Variants in KIFC3 observed in about 807,000 individuals in gnomAD.
KIFC3 encodes the protein kinesin family member C3, also known as kinesin-like protein KIFC3.
In KIFC3, 60 loss-of-function variants were observed where a neutral mutation model predicts 101.8. That is an observed-to-expected ratio of 0.59 (90% CI 0.48 to 0.73). The LOEUF is 0.73. Among genes scored for constraint, KIFC3 ranks in the 30% least tolerant of loss-of-function variants. KIFC3 has a pLI of 0.00. For synonymous variants in KIFC3, 476 were observed against 482.7 expected, an observed-to-expected ratio of 0.99 and a Z score of 0.18; for missense variants, 966 against 1,137.1, an observed-to-expected ratio of 0.85 and a Z score of 2.16.
intron 18 of KIFC3, 83 bp downstream of exon 18, chr16:57,759,645 A>G: frequency 9.6e-7 from 1 of 1,040,830 alleles, no homozygotes; most frequent in Non-Finnish European, 1.4e-6. Flanking sequence ...AGGAAAGAAA[A>G]GAGAAAGCCC....
chr16:57,769,621 C>T lies in KIFC3; in HGVS notation c.1192G>A (p.Glu398Lys). The T allele has an allele frequency of 1.9e-6, 3 of 1,611,104 alleles. No homozygotes were observed. The South Asian group carries it at 3.3e-5, about 18-fold the overall frequency. ...TCGGCCTTGACACTCCTGAGGGCCT[C>T]CTGCAGCAGCAGTGGGAAGCCGCGC... Reference protein sequence around the residue: ...QVRGFPLLLQEALRSVKAEIG... With the variant: ...QVRGFPLLLQKALRSVKAEIG... Residue 398 changes from glutamate to lysine, a missense_variant, in exon 9 of 20, where the codon GAG becomes AAG. By Grantham distance (56) the Glu-to-Lys change is moderately conservative. This residue lies in a region of KIFC3 where 689 missense variants were observed against 884.6 expected (regional missense o/e 0.78). Coordinates refer to ENST00000445690, the MANE Select transcript of KIFC3 (RefSeq NM_001130100.2). This position sits in a 1 kb window ranked among gnomAD's most constrained non-coding sequence, Gnocchi z 4.3.
chr16:57,849,466 C>T (rs1210301495), intron 1 of KIFC3, among the ~76,000 whole-genome samples: 1 of 152,104 alleles, frequency 6.6e-6, no homozygotes, highest in Non-Finnish European at 1.5e-5. Context: ...ATTAAGTGCT[C>T]TGTGGGTTCA....
In KIFC3 at chr16:57,772,220, C is replaced by T. The variant is rs375896792; in HGVS notation, c.381+3G>A. 6 of 1,613,182 alleles carry T rather than the reference C, an allele frequency of 3.7e-6. No individual in the cohort carries two copies. In the African/African-American group the frequency reaches 5.3e-5, roughly 14 times the overall value. On this transcript the variant is annotated splice_donor_region_variant and intron_variant, in intron 4 of 19. Transcript: ENST00000445690. ...CTACCCCAGGACAGCCTTGTGGCCT[C>T]ACCAGCTCAGATCGCAGTCGGCTCA...
In KIFC3 at chr16:57,847,255, GAAGGAAGGA is replaced by G. The variant is rs1485145599; in HGVS notation, c.108+15465_108+15473del. Among the ~76,000 whole-genome samples, 45 of 102,624 alleles carry G rather than the reference GAAGGAAGGA, an allele frequency of 4.4e-4. No homozygotes were observed. In the South Asian group the frequency reaches 0.015, roughly 35 times the overall value. 67.3% of individuals were successfully genotyped at this position (102,624 alleles called of 152,430 possible). Reference sequence around the variant, plus strand: ...GGAAGGAAGGAAGGAAGGAAGGAAGGAAGGAAGGAAGGAAGGGAAGGGAGGGAGGGAGAG... The same window carrying G: ...GGAAGGAAGGAAGGAAGGAAGGAAGGAGGAAGGGAAGGGAGGGAGGGAGAG... On this transcript the variant is annotated intron_variant, in intron 1 of 2. Transcript: ENST00000563028.
In KIFC3 at chr16:57,850,947, CTCCTTCCTTCCTTCCT is replaced by C. The variant is rs200153757; in HGVS notation, c.108+11766_108+11781del. ...GATTTCAACTTCTTTCCTTCCCTCC[CTCCTTCCTTCCTTCCT>C]TCCTTCCTTCCTTCCTTCCTTCCTT... On this transcript the variant is annotated intron_variant, in intron 1 of 2. Transcript: ENST00000563028. 7.6e-3 allele frequency among the ~76,000 whole-genome samples: 400 copies of C among 52,590 alleles called. 7 individuals are homozygous for C. The South Asian group carries it at 0.1, about 13-fold the overall frequency. The allele number at this position is 52,590 out of a possible 152,430, so 34.5% of individuals were successfully genotyped here. A position where few individuals can be genotyped will look rare whatever the true frequency, so the allele number is the denominator to read the frequency against.
chr16:57,847,193 GGGAAGGAAGGAAGGAAGGAAGGAAGGAA>G (rs1162178513), intron 1 of KIFC3, among the ~76,000 whole-genome samples: 26 of 46,162 alleles, frequency 5.6e-4, no homozygotes, highest in South Asian at 8.6e-4. Flanking sequence ...GAAGGAAGGA[GGGAAGGAAGGAAGGAAGGAAGGAAGGAA>G]GGAAGGAAGG....
At chr16:57,850,967 TTCCTTCCTTCCTTCC>T (rs71155204) in intron 1 of KIFC3, among the ~76,000 whole-genome samples, 57 of 9,540 alleles carry the variant, frequency 6.0e-3, no homozygotes, top group African/African-American at 9.8e-3. Flanking sequence ...CCTTCCTTCC[TTCCTTCCTTCCTTCC>T]TTCCTTCCTT....
intron 1 of KIFC3, among the ~76,000 whole-genome samples, chr16:57,826,452 T>C (rs1555630804): frequency 6.6e-6 from 1 of 152,202 alleles, no homozygotes; most frequent in Non-Finnish European, 1.5e-5. Flanking sequence ...TTCCTAAAAG[T>C]GGAACTGCCA....
chr16:57,766,845 G>A, intron 10 of KIFC3, 29 bp downstream of exon 10: 2 of 1,563,848 alleles, frequency 1.3e-6, no homozygotes, highest in Non-Finnish European at 1.7e-6. Flanking sequence ...CCCGAGGCCA[G>A]CGCCCACCCC....
chr16:57,797,743 C>T (rs1479604229), intron 2 of KIFC3: 14 of 1,244,930 alleles, frequency 1.1e-5, no homozygotes, highest in African/African-American at 1.1e-4. Flanking sequence ...AGCTAGCCCA[C>T]ACGCTCTTGG....
chr16:57,771,781 A>G, intron 4 of KIFC3, 95 bp from the exon 5 acceptor site: 1 of 1,426,790 alleles, frequency 7.0e-7, no homozygotes, highest in South Asian at 1.4e-5. Context: ...GGCAGGGAAG[A>G]GAGGAGAGGT....
At chr16:57,767,653 G>T (rs2050641841) in intron 9 of KIFC3, among the ~76,000 whole-genome samples, 1 of 151,736 alleles carries the variant, frequency 6.6e-6, no homozygotes, top group Non-Finnish European at 1.5e-5. Context: ...TATTTTTTTT[G>T]AGACAGGGTC....
upstream of KIFC3, chr16:57,802,901 G>C: frequency 1.4e-6 from 2 of 1,389,834 alleles, no homozygotes; most frequent in Non-Finnish European, 2.0e-6. This position sits in a 1 kb window ranked among gnomAD's most constrained non-coding sequence, Gnocchi z 5.0. Context: ...CACTTCTCAC[G>C]CGGGCTCTCA....
intron 1 of KIFC3, 80 bp from the exon 2 acceptor site, chr16:57,798,362 A>G (rs1555624248): frequency 7.7e-7 from 1 of 1,298,078 alleles, no homozygotes; most frequent in African/African-American, 1.5e-5. Flanking sequence ...AGCCATCTGG[A>G]AGGGTCTACG....
chr16:57,762,786 G>A (rs2050019089), intron 12 of KIFC3, among the ~76,000 whole-genome samples: 1 of 152,176 alleles, frequency 6.6e-6, no homozygotes, highest in African/African-American at 2.4e-5. Context: ...GGCCCTGGGA[G>A]CCTGGCCCTC....
At chr16:57,780,174 T>C (rs540687909) in intron 3 of KIFC3, among the ~76,000 whole-genome samples, 2 of 152,350 alleles carry the variant, frequency 1.3e-5, no homozygotes, top group South Asian at 2.1e-4. Flanking sequence ...GTGATGGTTG[T>C]TGCACAATGA....
chr16:57,768,061 CATGCCGGTA>C (rs1444628137), intron 9 of KIFC3, among the ~76,000 whole-genome samples: 2 of 152,134 alleles, frequency 1.3e-5, no homozygotes, highest in African/African-American at 4.8e-5. Flanking sequence ...TGCAGTGGCT[CATGCCGGTA>C]ATGCCAGCAC....
At chr16:57,811,664 C>T (rs1199879226) in intron 1 of KIFC3, among the ~76,000 whole-genome samples, 2 of 152,044 alleles carry the variant, frequency 1.3e-5, no homozygotes, top group Non-Finnish European at 2.9e-5. Flanking sequence ...ACCTGTAATC[C>T]TAGCACTTTG....
chr16:57,802,985 C>T (rs1555626093), upstream of KIFC3: 2 of 1,535,852 alleles, frequency 1.3e-6, no homozygotes, highest in Non-Finnish European at 1.7e-6. The surrounding 1 kb of genome is among the most constrained non-coding windows in gnomAD (Gnocchi z 5.0). Flanking sequence ...ACATCCCTTA[C>T]CGTGTCCTTG....
Sources: allele counts gnomAD v4.1 joint callset (sites outside exome capture counted in the v4.1 genomes callset), GRCh38; gene constraint gnomAD v4.1.1; regional missense constraint gnomAD v4.1.1; non-coding constraint Gnocchi (gnomAD v3.1); transcripts MANE v1.5; gene names NCBI Gene and HGNC (gene_info 2026-07-23, HGNC 2026-07-21).